Variants in SETDB1 observed in about 807,000 individuals in gnomAD.
SETDB1 encodes the protein histone-lysine N-methyltransferase SETDB1.
In SETDB1, 31 loss-of-function variants were observed where a neutral mutation model predicts 137.4. The ratio of observed to expected loss-of-function variants is 0.23; its 90% CI spans 0.17 to 0.30. The LOEUF (loss-of-function observed/expected upper bound fraction) is 0.30. Ranked by LOEUF, SETDB1 falls within the 10% of genes least tolerant of loss-of-function variation. The pLI is 1.00. For synonymous variants in SETDB1, 548 were observed against 579.9 expected (o/e 0.95, Z 0.79); for missense variants, 1,113 against 1,631.5 (o/e 0.68, Z 5.47).
chr1:150,935,705 T>G (rs587732021), intron 3 of SETDB1, among the ~76,000 whole-genome samples: 1 of 152,326 alleles, frequency 6.6e-6, no homozygotes, highest in Admixed American at 6.5e-5. Flanking sequence ...GGTTCCTTAT[T>G]TCATAGTTTC....
intron 14 of SETDB1, among the ~76,000 whole-genome samples, chr1:150,953,708 A>C (rs771035461): frequency 5.9e-5 from 9 of 152,032 alleles, no homozygotes; most frequent in Non-Finnish European, 1.0e-4. Context: ...GCACGCCTGT[A>C]ATCTCAGCTA....
chr1:150,960,606 A>G lies in SETDB1; in HGVS notation c.2547A>G (p.Glu849=). The part of the protein sequence containing the change: ...TDDFADKEGL[E]MGDEYFANLD... The stretch of plus-strand genomic sequence containing the variant: ...ACTTTGCAGACAAGGAGGGTCTGGA[A>G]ATGGGTGATGAGTACTTTGCAAATC... Residue 849 remains glutamate, a synonymous_variant, in exon 16 of 22, where the codon GAA becomes GAG. Transcript: ENST00000692827. 2 of 1,614,032 alleles carry G rather than the reference A, an allele frequency of 1.2e-6. No homozygotes were observed. The highest frequency in any genetic ancestry group is 1.1e-5 in the South Asian group (1 of 91,064).
intron 8 of SETDB1, 101 bp from the exon 9 acceptor site, chr1:150,944,817 C>A: frequency 1.5e-6 from 2 of 1,350,150 alleles, no homozygotes; most frequent in Non-Finnish European, 2.0e-6. Flanking sequence ...CTTTTTCTCT[C>A]CTTTTCAACT....
At chr1:150,935,835 G>T (rs1342255016) in intron 3 of SETDB1, among the ~76,000 whole-genome samples, 1 of 152,160 alleles carries the variant, frequency 6.6e-6, no homozygotes, top group Non-Finnish European at 1.5e-5. Context: ...ATCACTGAGA[G>T]TCAGTTTTAT....
chr1:150,927,843 C>G lies in SETDB1; in HGVS notation c.129C>G (p.Phe43Leu). 6.2e-7 allele frequency: 1 copy of G among 1,614,172 alleles called. No individual in the cohort carries two copies. ...TCTCTATGGAGGAACTTCGGCATTTCATCGATGAGGAACTGGAGAAGATGG... is the reference window on the plus strand; with the variant it reads ...TCTCTATGGAGGAACTTCGGCATTTGATCGATGAGGAACTGGAGAAGATGG... The part of the protein sequence containing the change: ...LGISMEELRH[F>L]IDEELEKMDC... Residue 43 changes from phenylalanine to leucine, a missense_variant, in exon 2 of 22, where the codon TTC (phenylalanine) becomes TTG (leucine). This residue lies in a region of SETDB1 where 159 missense variants were observed against 188.6 expected (regional missense o/e 0.84). Coordinates refer to ENST00000692827, the MANE Select transcript of SETDB1 (RefSeq NM_001366418.1).
chr1:150,964,146 C>A, intron 21 of SETDB1, 63 bp downstream of exon 21: 2 of 1,536,006 alleles, frequency 1.3e-6, no homozygotes, highest in Non-Finnish European at 1.8e-6. Context: ...CTAAGGGCCC[C>A]TCCTCCATTC....
At chr1:150,934,342 G>C (rs991420366) in intron 3 of SETDB1, among the ~76,000 whole-genome samples, 2 of 151,906 alleles carry the variant, frequency 1.3e-5, no homozygotes, top group Non-Finnish European at 2.9e-5. Flanking sequence ...GCGTAGTGGC[G>C]GGCACCTGTA....
At chr1:150,941,493 T>G in intron 5 of SETDB1, 65 bp downstream of exon 5, 1 of 970,528 alleles carries the variant, frequency 1.0e-6, no homozygotes, top group Non-Finnish European at 1.6e-6. Flanking sequence ...TTGTCTTAAG[T>G]CTTATGTCTG....
In SETDB1 at chr1:150,960,584, T is replaced by C; in HGVS notation, c.2525T>C (p.Phe842Ser). The C allele has an allele frequency of 6.2e-7, 1 of 1,613,692 alleles. No individual in the cohort carries two copies. Among genetic ancestry groups the C allele is most frequent in the Non-Finnish European group, 8.5e-7 (1 of 1,179,914 alleles). Residue 842 changes from phenylalanine (F) to serine (S), a missense_variant, in exon 16 of 22, where the codon TTT (phenylalanine) becomes TCT (serine). Phe to Ser is a radical substitution (Grantham distance 155). Transcript: ENST00000692827. ...IYAGKILTDD[F>S]ADKEGLEMGD... The stretch of plus-strand genomic sequence containing the variant: ...TCAGGCAAAATCCTGACAGATGACT[T>C]TGCAGACAAGGAGGGTCTGGAAATG...
intron 16 of SETDB1, chr1:150,961,568 T>G: frequency 7.7e-6 from 2 of 258,562 alleles, no homozygotes; most frequent in South Asian, 7.9e-5. Flanking sequence ...GGCAGGAGAA[T>G]CGCTTGAACC....
rs751175561 is a variant in SETDB1 at position 150,949,232 on chromosome 1, C to T, written c.1378C>T (p.Pro460Ser). ...ACAGCCTACAGCTCCACCTGCCCCACCTTTCCCACCTGCTCCACCTCTATC... is the reference window on the plus strand; with the variant it reads ...ACAGCCTACAGCTCCACCTGCCCCATCTTTCCCACCTGCTCCACCTCTATC... ...PPQPTAPPAP[P>S]FPPAPPLSPQ... Residue 460 changes from proline to serine, a missense_variant, in exon 11 of 22, where the codon CCT (proline) becomes TCT (serine). This residue lies in a region of SETDB1 where 192 missense variants were observed against 198.1 expected (regional missense o/e 0.97). Transcript: ENST00000692827. 4.9e-5 allele frequency: 79 copies of T among 1,613,990 alleles called. No individual in the cohort carries two copies. In the South Asian group the frequency reaches 8.1e-4, roughly 17 times the overall value.
Position 150,960,805 on chromosome 1 carries a change from G to A in SETDB1, c.2746G>A (p.Asp916Asn), listed in dbSNP as rs1282586799. The change falls in exon 16 of 22, where the codon GAC becomes AAC. Residue 916 changes from aspartate to asparagine, a missense_variant. By Grantham distance (23) the Asp-to-Asn change is conservative (BLOSUM62 1). Transcript: ENST00000692827. ...AGATGATAACTTCTGTAAGGATGAG[G>A]ACTTCAGCACCAGTTCAGTGTGGCG... ...SSDDNFCKDE[D>N]FSTSSVWRSY... 2.5e-6 allele frequency: 4 copies of A among 1,608,376 alleles called. No individual in the cohort carries two copies. The highest frequency in any genetic ancestry group is 3.4e-6 in the Non-Finnish European group (4 of 1,177,382).
intron 3 of SETDB1, among the ~76,000 whole-genome samples, chr1:150,933,767 CTTTTTCTTTTTCT>C (rs1279459725): frequency 0.017 from 1,972 of 116,806 alleles, 135 homozygotes; most frequent in Non-Finnish European, 0.023. Flanking sequence ...TTTTCTTTTT[CTTTTTCTTTTTCT>C]TTTTTTTTTT....
At chr1:150,927,035 A>G (rs1216936209) in intron 1 of SETDB1, among the ~76,000 whole-genome samples, 2 of 152,378 alleles carry the variant, frequency 1.3e-5, no homozygotes, top group Middle Eastern at 6.8e-3. Flanking sequence ...TAGGCATAGC[A>G]TACAAAGATT....
intron 8 of SETDB1, 87 bp downstream of exon 8, chr1:150,944,080 T>A (rs1278848426): frequency 1.1e-6 from 1 of 931,270 alleles, no homozygotes; most frequent in Non-Finnish European, 1.8e-6. Context: ...AGCCCTAGTG[T>A]TTTTGGTATT....
intron 10 of SETDB1, among the ~76,000 whole-genome samples, 189 bp downstream of exon 10, chr1:150,947,201 T>A (rs1488431502): frequency 6.6e-6 from 1 of 152,194 alleles, no homozygotes; most frequent in Non-Finnish European, 1.5e-5. Context: ...TGGCTCTAAT[T>A]TGTTCTAAAC....
intron 3 of SETDB1, among the ~76,000 whole-genome samples, chr1:150,936,692 T>C (rs1445527347): frequency 2.0e-5 from 3 of 152,164 alleles, no homozygotes; most frequent in African/African-American, 7.2e-5. Context: ...CTTTATTTGA[T>C]ATATATTTTT....
At chr1:150,951,560 T>C in intron 14 of SETDB1, 79 bp downstream of exon 14, 1 of 751,148 alleles carries the variant, frequency 1.3e-6, no homozygotes, top group Non-Finnish European at 2.2e-6. Context: ...ATAGAAATCA[T>C]CAGAAATCTA....
intron 4 of SETDB1, 114 bp from the exon 5 acceptor site, chr1:150,941,215 A>G: frequency 1.6e-6 from 1 of 630,738 alleles, no homozygotes; most frequent in Non-Finnish European, 2.9e-6. Context: ...ATAAGCTTCC[A>G]AACATAACTC....
Sources: allele counts gnomAD v4.1 joint callset (sites outside exome capture counted in the v4.1 genomes callset), GRCh38; gene constraint gnomAD v4.1.1; regional missense constraint gnomAD v4.1.1; transcripts MANE v1.5; gene names NCBI Gene and HGNC (gene_info 2026-07-23, HGNC 2026-07-21).